Variants in ARB2A observed in about 807,000 individuals in gnomAD.
ARB2A encodes the protein ARB2 cotranscriptional regulator A.
At chr5:93,665,157 T>C in the ARB2A span, among the ~76,000 whole-genome samples, 1 of 152,206 alleles carries the variant, frequency 6.6e-6, no homozygotes, top group Non-Finnish European at 1.5e-5. Context: ...CATATGTATA[T>C]TCAATAATTT....
chr5:94,004,810 TC>T, the ARB2A span, among the ~76,000 whole-genome samples: 5 of 151,598 alleles, frequency 3.3e-5, no homozygotes, highest in Non-Finnish European at 7.4e-5. Flanking sequence ...TATTTGTGTT[TC>T]TATTTAAAGT....
At chr5:93,759,204 T>C in the ARB2A span, among the ~76,000 whole-genome samples, 3 of 152,026 alleles carry the variant, frequency 2.0e-5, no homozygotes, top group Non-Finnish European at 2.9e-5. Context: ...TCAGGAAGAA[T>C]TAGATACCCT....
the ARB2A span, among the ~76,000 whole-genome samples, chr5:93,683,979 TTTAA>T: frequency 0.18 from 27,124 of 152,088 alleles, 2,721 homozygotes; most frequent in Middle Eastern, 0.26. Flanking sequence ...TATTAATTAC[TTTAA>T]TTATGTCTAG....
chr5:93,632,632 ATGGGG>A, the ARB2A span, among the ~76,000 whole-genome samples: 1 of 152,200 alleles, frequency 6.6e-6, no homozygotes, highest in Non-Finnish European at 1.5e-5. Flanking sequence ...AGAATGAGTT[ATGGGG>A]AGTGAGAAGG....
chr5:93,651,977 A>G, the ARB2A span, among the ~76,000 whole-genome samples: 2 of 152,194 alleles, frequency 1.3e-5, no homozygotes, highest in Non-Finnish European at 2.9e-5. Flanking sequence ...CGAAAATAAA[A>G]TATCAAAAAA....
the ARB2A span, among the ~76,000 whole-genome samples, chr5:94,006,648 T>A: frequency 6.6e-6 from 1 of 152,164 alleles, no homozygotes; most frequent in Non-Finnish European, 1.5e-5. Flanking sequence ...ACTATATTTA[T>A]CAGTAAATCA....
At chr5:93,996,970 T>C in the ARB2A span, among the ~76,000 whole-genome samples, 16 of 152,120 alleles carry the variant, frequency 1.1e-4, no homozygotes, top group East Asian at 2.7e-3. Context: ...GTGCTAGCCA[T>C]TGATCGAGGA....
the ARB2A span, among the ~76,000 whole-genome samples, chr5:94,057,675 G>A: frequency 1.3e-5 from 2 of 152,084 alleles, no homozygotes; most frequent in African/African-American, 2.4e-5. Context: ...AACAGGAACC[G>A]AATTATTTCC....
chr5:94,012,168 C>T, the ARB2A span, among the ~76,000 whole-genome samples: 199 of 152,240 alleles, frequency 1.3e-3, no homozygotes, highest in Non-Finnish European at 2.4e-3. Context: ...TTTGGGAGGC[C>T]AAGGCGGGCA....
chr5:93,908,647 T>G, the ARB2A span, among the ~76,000 whole-genome samples: 3 of 151,002 alleles, frequency 2.0e-5, no homozygotes, highest in African/African-American at 7.3e-5. Flanking sequence ...TTTACTACAC[T>G]CTATTCTATT....
At chr5:93,767,641 A>C in the ARB2A span, among the ~76,000 whole-genome samples, 1 of 152,028 alleles carries the variant, frequency 6.6e-6, no homozygotes, top group Admixed American at 6.6e-5. Context: ...TAAATTAACG[A>C]GTTAAGAAAC....
chr5:93,679,466 A>G, the ARB2A span, among the ~76,000 whole-genome samples: 1 of 152,128 alleles, frequency 6.6e-6, no homozygotes, highest in Non-Finnish European at 1.5e-5. Flanking sequence ...GGAATTAAAA[A>G]TGATATACTT....
the ARB2A span, among the ~76,000 whole-genome samples, chr5:93,754,532 T>C: frequency 6.6e-6 from 1 of 152,142 alleles, no homozygotes; most frequent in Non-Finnish European, 1.5e-5. Flanking sequence ...CAGCCCCAGG[T>C]AGAACCAATC....
chr5:93,741,361 A>C, the ARB2A span: 3 of 1,610,904 alleles, frequency 1.9e-6, no homozygotes, highest in Non-Finnish European at 2.5e-6. Context: ...TTCGTGTGGC[A>C]GGGGACCCAG....
the ARB2A span, among the ~76,000 whole-genome samples, chr5:93,781,584 T>C: frequency 6.6e-6 from 1 of 152,160 alleles, no homozygotes; most frequent in Non-Finnish European, 1.5e-5. Context: ...ATAGTACTTC[T>C]ATCTTTAGCT....
the ARB2A span, among the ~76,000 whole-genome samples, chr5:93,759,179 C>A: frequency 6.6e-6 from 1 of 152,090 alleles, no homozygotes; most frequent in East Asian, 1.9e-4. Context: ...AAAAATACAA[C>A]CCTCCTAGCT....
the ARB2A span, among the ~76,000 whole-genome samples, chr5:93,744,540 G>T: frequency 6.7e-6 from 1 of 149,928 alleles, no homozygotes; most frequent in African/African-American, 2.5e-5. Flanking sequence ...TTTGTACTTG[G>T]TCAGATCTCA....
At chr5:93,934,529 T>C in the ARB2A span, among the ~76,000 whole-genome samples, 1 of 152,132 alleles carries the variant, frequency 6.6e-6, no homozygotes, top group Non-Finnish European at 1.5e-5. Context: ...TAGGTAATCA[T>C]TGTGGGCCTA....
At chr5:93,840,160 A>C in the ARB2A span, among the ~76,000 whole-genome samples, 1 of 152,162 alleles carries the variant, frequency 6.6e-6, no homozygotes, top group African/African-American at 2.4e-5. Flanking sequence ...TTCCCTCTTA[A>C]CACTGCCTTA....
Sources: allele counts gnomAD v4.1 joint callset (sites outside exome capture counted in the v4.1 genomes callset), GRCh38; gene constraint gnomAD v4.1.1; transcripts MANE v1.5; gene names NCBI Gene and HGNC (gene_info 2026-07-23, HGNC 2026-07-21).